Variants in ACBD6 observed in about 807,000 individuals in gnomAD.
ACBD6 encodes the protein acyl-CoA-binding domain-containing protein 6.
In ACBD6, 28 loss-of-function variants were observed where a neutral mutation model predicts 37.2. The observed-to-expected ratio is 0.75, with a 90% CI of 0.56 to 1.03. ACBD6 has a LOEUF of 1.03. ACBD6 is among the 50% of genes least tolerant of loss of function. ACBD6 has a pLI of 0.00. For missense variants in ACBD6, 340 were observed against 337.4 expected, an observed-to-expected ratio of 1.01 and a Z score of -0.06; for synonymous variants, 113 against 126.8, an observed-to-expected ratio of 0.89 and a Z score of 0.73.
intron 3 of ACBD6, among the ~76,000 whole-genome samples, chr1:180,452,274 A>G (rs1649737004): frequency 6.6e-6 from 1 of 152,154 alleles, no homozygotes; most frequent in Non-Finnish European, 1.5e-5. Context: ...GATTGAGACC[A>G]GCCTGGCCAA....
chr1:180,493,234 CA>C (rs1651576266), intron 2 of ACBD6, among the ~76,000 whole-genome samples: 1 of 71,898 alleles, frequency 1.4e-5, no homozygotes, highest in South Asian at 5.1e-4. Flanking sequence ...GGCAACAGAG[CA>C]AAATTCTGTC....
At chr1:180,392,999 C>T (rs1397708839) in intron 6 of ACBD6, among the ~76,000 whole-genome samples, 1 of 152,192 alleles carries the variant, frequency 6.6e-6, no homozygotes, top group Non-Finnish European at 1.5e-5. Flanking sequence ...GTTCAGCATT[C>T]AAATACCTTT....
chr1:180,467,508 T>G (rs985769966), intron 3 of ACBD6, among the ~76,000 whole-genome samples: 9 of 148,312 alleles, frequency 6.1e-5, no homozygotes, highest in Non-Finnish European at 1.0e-4. Context: ...AAATTAGCTG[T>G]ACATGGTGGT....
chr1:180,438,089 A>T (rs1051386680), intron 3 of ACBD6, among the ~76,000 whole-genome samples: 1 of 152,180 alleles, frequency 6.6e-6, no homozygotes, highest in Non-Finnish European at 1.5e-5. Flanking sequence ...ATAGCATTAG[A>T]GTCTCACAGG....
intron 3 of ACBD6, among the ~76,000 whole-genome samples, chr1:180,459,960 A>T (rs1339510130): frequency 2.9e-5 from 4 of 137,980 alleles, no homozygotes; most frequent in African/African-American, 1.1e-4. Flanking sequence ...GCATGACCAG[A>T]CTGCTTCTTT....
chr1:180,412,696 T>A (rs901986731), intron 5 of ACBD6, among the ~76,000 whole-genome samples: 1 of 151,842 alleles, frequency 6.6e-6, no homozygotes, highest in African/African-American at 2.4e-5. Context: ...CAAGACCCCA[T>A]CTCCCCAAAA....
At chr1:180,375,765 T>C (rs779395293) in intron 6 of ACBD6, among the ~76,000 whole-genome samples, 21 of 152,194 alleles carry the variant, frequency 1.4e-4, no homozygotes, top group Non-Finnish European at 2.6e-4. Context: ...GAAGAAAATA[T>C]GGAATCTCTC....
intron 7 of ACBD6, among the ~76,000 whole-genome samples, chr1:180,305,341 A>C (rs1238178140): frequency 2.0e-5 from 3 of 152,222 alleles, no homozygotes; most frequent in Non-Finnish European, 2.9e-5. Context: ...AAATTTTTGC[A>C]ATCTACTCAT....
intron 6 of ACBD6, among the ~76,000 whole-genome samples, chr1:180,353,687 C>G (rs867449293): frequency 1.4e-5 from 2 of 146,488 alleles, no homozygotes; most frequent in South Asian, 4.3e-4. Flanking sequence ...TTATTTGTAT[C>G]CTGCTGACTT....
intron 3 of ACBD6, among the ~76,000 whole-genome samples, chr1:180,438,873 GT>G (rs1273723918): frequency 6.6e-6 from 1 of 152,064 alleles, no homozygotes; most frequent in Non-Finnish European, 1.5e-5. Context: ...ATTCAGAATA[GT>G]TTCACTGCCC....
chr1:180,286,140 T>C (rs560090089), downstream of ACBD6, among the ~76,000 whole-genome samples: 4 of 152,180 alleles, frequency 2.6e-5, no homozygotes, highest in Non-Finnish European at 5.9e-5. Flanking sequence ...GATTATATGA[T>C]AGCAAGGTTT....
At chr1:180,428,571 C>G (rs1648691691) in intron 4 of ACBD6, among the ~76,000 whole-genome samples, 1 of 152,172 alleles carries the variant, frequency 6.6e-6, no homozygotes, top group Non-Finnish European at 1.5e-5. Flanking sequence ...GATTTCTACT[C>G]TCACTACAAC....
chr1:180,418,853 T>C (rs1417193748), intron 4 of ACBD6, among the ~76,000 whole-genome samples: 1 of 152,246 alleles, frequency 6.6e-6, no homozygotes, highest in African/African-American at 2.4e-5. Context: ...GTTTAATCCC[T>C]GGAAGAGGCA....
chr1:180,327,881 C>T (rs1314409787), intron 6 of ACBD6, among the ~76,000 whole-genome samples: 1 of 152,166 alleles, frequency 6.6e-6, no homozygotes, highest in African/African-American at 2.4e-5. Context: ...CAGATTATTT[C>T]TTTCCTCACA....
Position 180,478,188 on chromosome 1 carries a change from T to G in ACBD6, c.384+14081A>C, listed in dbSNP as rs183261220. On this transcript the variant is annotated intron_variant, in intron 3 of 7. Transcript: ENST00000367595. ...GTAAAGATAATAAGATTATCTTTAT[T>G]GAAATTATTATAATTTTACATTAAA... Among the ~76,000 whole-genome samples, 7 of 152,252 alleles carry G rather than the reference T, an allele frequency of 4.6e-5. No individual in the cohort carries two copies. In the East Asian group the frequency reaches 1.3e-3, roughly 29 times the overall value.
intron 6 of ACBD6, among the ~76,000 whole-genome samples, chr1:180,370,141 T>C (rs141826150): frequency 2.6e-5 from 4 of 152,230 alleles, no homozygotes; most frequent in East Asian, 1.9e-4. Context: ...TGGAGTCTAA[T>C]AGATGGAGAC....
At chr1:180,466,430 T>G (rs1315531278) in intron 3 of ACBD6, among the ~76,000 whole-genome samples, 4 of 152,148 alleles carry the variant, frequency 2.6e-5, no homozygotes, top group Non-Finnish European at 5.9e-5. Flanking sequence ...TAATTGTGGT[T>G]TTGCCTATTA....
At chr1:180,410,790 T>C (rs1647822703) in intron 5 of ACBD6, among the ~76,000 whole-genome samples, 1 of 152,228 alleles carries the variant, frequency 6.6e-6, no homozygotes, top group Non-Finnish European at 1.5e-5. Flanking sequence ...AACATTCATT[T>C]TGCAGTCCAT....
intron 1 of ACBD6, among the ~76,000 whole-genome samples, chr1:180,501,452 C>T (rs548004656): frequency 2.0e-4 from 30 of 152,142 alleles, no homozygotes; most frequent in Non-Finnish European, 4.0e-4. Flanking sequence ...CTCAGCCTCC[C>T]GAGTAGCTGG....
Sources: allele counts gnomAD v4.1 joint callset (sites outside exome capture counted in the v4.1 genomes callset), GRCh38; gene constraint gnomAD v4.1.1; transcripts MANE v1.5; gene names NCBI Gene and HGNC (gene_info 2026-07-23, HGNC 2026-07-21).